The following PDZRN3 variants were observed in gnomAD, a reference collection of about 807,000 sequenced individuals.
The protein encoded by PDZRN3 is PDZ domain containing ring finger 3, also known as E3 ubiquitin-protein ligase PDZRN3.
In PDZRN3, 38 loss-of-function variants were observed where a neutral mutation model predicts 85.7. That is an observed-to-expected ratio of 0.44 (90% CI 0.34 to 0.58). The LOEUF (loss-of-function observed/expected upper bound fraction) is 0.58, where lower values mean the gene tolerates loss of function less well. Ranked by LOEUF, PDZRN3 falls within the 20% of genes least tolerant of loss-of-function variation. PDZRN3 has a pLI of 0.01. For missense variants in PDZRN3, 1,629 were observed against 1,506.4 expected, an observed-to-expected ratio of 1.08 and a Z score of -1.35; for synonymous variants, 759 against 638.0, an observed-to-expected ratio of 1.19 and a Z score of -2.86.
intron 3 of PDZRN3, among the ~76,000 whole-genome samples, chr3:73,420,950 A>G (rs1318285889): frequency 1.3e-5 from 2 of 152,232 alleles, no homozygotes; most frequent in African/African-American, 4.8e-5. Flanking sequence ...TGGCATACCA[A>G]CTACATCCTC....
intron 3 of PDZRN3, among the ~76,000 whole-genome samples, chr3:73,405,390 A>T (rs1038820823): frequency 4.6e-5 from 7 of 152,192 alleles, no homozygotes; most frequent in African/African-American, 9.7e-5. Flanking sequence ...TTCCCCCATA[A>T]AACAAAGGAA....
At chr3:73,498,823 T>G (rs570708369) in intron 3 of PDZRN3, among the ~76,000 whole-genome samples, 1 of 152,302 alleles carries the variant, frequency 6.6e-6, no homozygotes, top group South Asian at 2.1e-4. Context: ...GACTTCGTGA[T>G]CCACCTGCCT....
chr3:73,567,124 C>T (rs1701962987), intron 3 of PDZRN3, among the ~76,000 whole-genome samples: 1 of 152,126 alleles, frequency 6.6e-6, no homozygotes, highest in African/African-American at 2.4e-5. Flanking sequence ...AAAAGTCATC[C>T]AGAACAGAAT....
At chr3:73,567,019 C>G (rs1575741991) in intron 3 of PDZRN3, among the ~76,000 whole-genome samples, 2 of 152,302 alleles carry the variant, frequency 1.3e-5, no homozygotes, top group South Asian at 4.1e-4. Flanking sequence ...GATTTGAAAT[C>G]TCTATTACTT....
chr3:73,562,987 A>ATATATG (rs1212731548), intron 3 of PDZRN3, among the ~76,000 whole-genome samples: 2 of 22,940 alleles, frequency 8.7e-5, no homozygotes, highest in African/African-American at 4.8e-4. Context: ...GGCAAATTAT[A>ATATATG]TATATATATA....
At chr3:73,537,381 G>C (rs778201409) in intron 3 of PDZRN3, among the ~76,000 whole-genome samples, 2 of 152,084 alleles carry the variant, frequency 1.3e-5, no homozygotes, top group Non-Finnish European at 2.9e-5. Flanking sequence ...GAAGTGTTAC[G>C]GTTGTTTGTT....
chr3:73,596,421 T>C (rs1380664919), intron 3 of PDZRN3, among the ~76,000 whole-genome samples: 4 of 152,176 alleles, frequency 2.6e-5, no homozygotes, highest in African/African-American at 7.2e-5. Flanking sequence ...GACATTTACA[T>C]AGCCTCAAAG....
chr3:73,600,319 ACACACACACACACACACACTCTCT>A lies in PDZRN3; in HGVS notation c.918+2011_918+2034del, dbSNP rs1192258728. On this transcript the variant is annotated intron_variant, in intron 3 of 9. Transcript: ENST00000263666. The stretch of plus-strand genomic sequence containing the variant: ...TTAGTAATGAAACACACACACACAC[ACACACACACACACACACACTCTCT>A]CTCTCTCTCTCTCTCTCTCTCTCAA... Among the ~76,000 whole-genome samples, 342 of 90,918 alleles carry A rather than the reference ACACACACACACACACACACTCTCT, an allele frequency of 3.8e-3. 1 individual carries two copies. Among genetic ancestry groups the A allele is most frequent in the African/African-American group, 0.015 (326 of 21,570 alleles). The allele number at this position is 90,918 out of a possible 152,430, so 59.6% of individuals were successfully genotyped here.
At chr3:73,574,463 G>GGGC (rs1553704250) in intron 3 of PDZRN3, among the ~76,000 whole-genome samples, 2 of 141,536 alleles carry the variant, frequency 1.4e-5, no homozygotes, top group African/African-American at 5.3e-5. Flanking sequence ...GGGGTGGGGG[G>GGGC]GGTGGGGAGG....
chr3:73,563,119 C>T (rs1233279836), intron 3 of PDZRN3, among the ~76,000 whole-genome samples: 3 of 146,238 alleles, frequency 2.1e-5, no homozygotes, highest in Admixed American at 6.9e-5. Flanking sequence ...CCCAGGTTCA[C>T]GCCATTCTCC....
rs921289317 is a variant in PDZRN3, at chr3:73,445,280, C to T, written c.919-40885G>A. Reference sequence around the variant, plus strand: ...GTAGTAGATGGTCCTTTCCAACAGCCGGTAATTGAGTCATAGGCAACTTGG... The same window carrying T: ...GTAGTAGATGGTCCTTTCCAACAGCTGGTAATTGAGTCATAGGCAACTTGG... On this transcript the variant is annotated intron_variant, in intron 3 of 9. Transcript: ENST00000263666. Among the ~76,000 whole-genome samples the T allele has an allele frequency of 3.3e-5, 5 of 152,164 alleles. No individual in the cohort carries two copies. In the East Asian group the frequency reaches 5.8e-4, roughly 18 times the overall value.
At chr3:73,422,835 A>C (rs1015441034) in intron 3 of PDZRN3, among the ~76,000 whole-genome samples, 2 of 152,204 alleles carry the variant, frequency 1.3e-5, no homozygotes, top group Non-Finnish European at 2.9e-5. Flanking sequence ...CTCAAACTTT[A>C]AATACTGGGA....
At chr3:73,564,046 G>C (rs928883945) in intron 3 of PDZRN3, among the ~76,000 whole-genome samples, 5 of 152,168 alleles carry the variant, frequency 3.3e-5, no homozygotes, top group African/African-American at 1.2e-4. Context: ...TGCTGGTTTA[G>C]AGGCTGTGCC....
At chr3:73,425,017 ATTT>A (rs201821381) in intron 3 of PDZRN3, among the ~76,000 whole-genome samples, 2 of 143,370 alleles carry the variant, frequency 1.4e-5, no homozygotes, top group Non-Finnish European at 1.5e-5. Flanking sequence ...ATCCATCAGT[ATTT>A]TTTTTTTTTT....
chr3:73,617,264 T>C (rs961989120), intron 1 of PDZRN3, among the ~76,000 whole-genome samples: 1 of 152,192 alleles, frequency 6.6e-6, no homozygotes. Context: ...TGTAAATATA[T>C]GGATGGAATG....
intron 5 of PDZRN3, among the ~76,000 whole-genome samples, chr3:73,397,454 G>C (rs550718419): frequency 6.6e-6 from 1 of 152,328 alleles, no homozygotes; most frequent in East Asian, 1.9e-4. Flanking sequence ...ACTGTTCTAA[G>C]AAATCTCGTG....
intron 3 of PDZRN3, among the ~76,000 whole-genome samples, chr3:73,553,119 T>A (rs1701602364): frequency 6.6e-6 from 1 of 152,208 alleles, no homozygotes; most frequent in Admixed American, 6.5e-5. Flanking sequence ...CATTTCATGT[T>A]TGACTCAAGG....
intron 3 of PDZRN3, among the ~76,000 whole-genome samples, chr3:73,485,722 AG>A (rs1703649643): frequency 6.6e-6 from 1 of 152,236 alleles, no homozygotes; most frequent in Admixed American, 6.5e-5. Context: ...AAGCACCCAA[AG>A]AAATGCAAGT....
chr3:73,517,828 A>G (rs1336866615), intron 3 of PDZRN3, among the ~76,000 whole-genome samples: 1 of 152,256 alleles, frequency 6.6e-6, no homozygotes, highest in Non-Finnish European at 1.5e-5. Flanking sequence ...AGCTGACCTC[A>G]CATGCACGAC....
Sources: allele counts gnomAD v4.1 joint callset (sites outside exome capture counted in the v4.1 genomes callset), GRCh38; gene constraint gnomAD v4.1.1; transcripts MANE v1.5; gene names NCBI Gene and HGNC (gene_info 2026-07-23, HGNC 2026-07-21).